The following ITPRID2 variants were observed in gnomAD, a reference collection of about 807,000 sequenced individuals.
ITPRID2 encodes the protein ITPR interacting domain containing 2.
ITPRID2 carries 60 observed loss-of-function variants against 124.3 expected under a neutral mutation model. That is an observed-to-expected ratio of 0.48 (90% CI 0.39 to 0.60). ITPRID2 has a LOEUF of 0.60. ITPRID2 is among the 20% of genes least tolerant of loss of function. The pLI is 0.00. For synonymous variants in ITPRID2, 521 were observed against 542.9 expected (o/e 0.96, Z 0.56); for missense variants, 1,553 against 1,512.2 (o/e 1.03, Z -0.45).
chr2:181,902,613 CAAGAAT>C lies in ITPRID2; in HGVS notation c.1413+148_1413+153del. 4.8e-6 allele frequency: 3 copies of C among 628,786 alleles called. No homozygotes were observed. The highest frequency in any genetic ancestry group is 7.8e-6 in the Non-Finnish European group (3 of 384,242). The allele number at this position is 628,786 out of a possible 1,614,324, so 39.0% of individuals were successfully genotyped here. On this transcript the variant is annotated intron_variant, in intron 8 of 17. Coordinates refer to ENST00000431877, the MANE Select transcript of ITPRID2 (RefSeq NM_001130445.3). This position sits in a 1 kb window ranked among gnomAD's most constrained non-coding sequence, Gnocchi z 4.4. ...CTTTCCAGGTTTATGTTTCACAAAC[CAAGAAT>C]TGGTCTCAGGATAATGTGATGTCGA...
intron 11 of ITPRID2, 145 bp downstream of exon 11, chr2:181,916,572 C>T (rs1694071313): frequency 1.0e-5 from 11 of 1,062,936 alleles, no homozygotes; most frequent in South Asian, 3.5e-5. Context: ...CATCTGCCTT[C>T]GTTTTCTATC....
chr2:181,922,122 G>C lies in ITPRID2; in HGVS notation c.3385G>C (p.Val1129Leu), dbSNP rs770246311. The C allele has an allele frequency of 6.2e-7, 1 of 1,614,238 alleles. No individual in the cohort carries two copies. Among genetic ancestry groups the C allele is most frequent in the South Asian group, 1.1e-5 (1 of 91,088 alleles). Reference sequence around the variant, plus strand: ...CTCTCATGCTAACAGAAGAACTGGAGTACCTTCTACTGCCTCAGTGGGCAA... The same window carrying C: ...CTCTCATGCTAACAGAAGAACTGGACTACCTTCTACTGCCTCAGTGGGCAA... ...GPSHANRRTG[V>L]PSTASVGKSK... Residue 1129 changes from valine to leucine, a missense_variant, in exon 16 of 18, where the codon GTA becomes CTA. By Grantham distance (32) the Val-to-Leu change is conservative. Transcript: ENST00000431877.
rs768130896 is a variant in ITPRID2 at position 181,902,181 on chromosome 2, T to G, written c.1128T>G (p.Ser376Arg). The G allele has an allele frequency of 1.9e-6, 3 of 1,613,688 alleles. No individual in the cohort carries two copies. The highest frequency in any genetic ancestry group is 2.5e-6 in the Non-Finnish European group (3 of 1,179,724). Residue 376 changes from serine (S) to arginine (R), a missense_variant, in exon 8 of 18, where the codon AGT (serine) becomes AGG (arginine). Ser to Arg is a moderately radical substitution (Grantham distance 110). Coordinates refer to ENST00000431877, the MANE Select transcript of ITPRID2 (RefSeq NM_001130445.3). The surrounding 1 kb of genome is among the most constrained non-coding windows in gnomAD (Gnocchi z 4.4). ...SSAAVTENAD[S>R]DRISDEANSN... ...CAGCTGTTACGGAGAATGCTGATAG[T>G]GATAGAATTTCTGATGAAGCAAATA...
In ITPRID2 at chr2:181,926,167, G is replaced by A. The variant is rs543832386; in HGVS notation, c.3676-1994G>A. On this transcript the variant is annotated intron_variant, in intron 16 of 17. Transcript: ENST00000431877. Reference sequence around the variant, plus strand: ...TAATCCCAGCTATGCAGGAGGCTGAGGCAGGAGAATTACTTGAACGTGGGA... The same window carrying A: ...TAATCCCAGCTATGCAGGAGGCTGAAGCAGGAGAATTACTTGAACGTGGGA... Among the ~76,000 whole-genome samples the A allele has an allele frequency of 2.4e-3, 363 of 152,114 alleles. 1 individual carries two copies. The highest frequency in any genetic ancestry group is 3.6e-3 in the Non-Finnish European group (246 of 67,992).
At chr2:181,894,880 G>C (rs1211928105) in intron 2 of ITPRID2, among the ~76,000 whole-genome samples, 1 of 152,072 alleles carries the variant, frequency 6.6e-6, no homozygotes, top group East Asian at 1.9e-4. Flanking sequence ...TTAGTGCATA[G>C]ACCAGTAGAG....
At position 181,897,277 on chromosome 2, in the gene ITPRID2, A is replaced by C. The variant is rs371209016; in HGVS notation, c.364+313A>C. Among the ~76,000 whole-genome samples, 13 of 152,174 alleles carry C rather than the reference A, an allele frequency of 8.5e-5. 1 individual carries two copies. Among genetic ancestry groups the C allele is most frequent in the African/African-American group, 2.9e-4 (12 of 41,572 alleles). Reference sequence around the variant, plus strand: ...TTGTCCTGAAAAAGGAAGGACACTTAAATATTTATACATGGGAAAACAAAA... The same window carrying C: ...TTGTCCTGAAAAAGGAAGGACACTTCAATATTTATACATGGGAAAACAAAA... On this transcript the variant is annotated intron_variant, in intron 4 of 17. Coordinates refer to ENST00000431877, the MANE Select transcript of ITPRID2 (RefSeq NM_001130445.3).
chr2:181,896,973 G>A lies in ITPRID2; in HGVS notation c.364+9G>A. 1 of 1,610,150 alleles carries A rather than the reference G, an allele frequency of 6.2e-7. No individual in the cohort carries two copies. Among genetic ancestry groups the A allele is most frequent in the South Asian group, 1.1e-5 (1 of 90,888 alleles). ...GTCATTGGGAGCTGAAGGTATGTTTGTTTGGAAGAACTGTATTTTTGTGTA... is the reference window on the plus strand; with the variant it reads ...GTCATTGGGAGCTGAAGGTATGTTTATTTGGAAGAACTGTATTTTTGTGTA... On this transcript the variant is annotated intron_variant, in intron 4 of 17. Transcript: ENST00000431877. This position sits in a 1 kb window ranked among gnomAD's most constrained non-coding sequence, Gnocchi z 4.3.
At position 181,919,203 on chromosome 2, in the gene ITPRID2, C is replaced by CT; in HGVS notation, c.2994-91dup. 7.0e-7 allele frequency: 1 copy of CT among 1,419,692 alleles called. No individual in the cohort carries two copies. Among genetic ancestry groups the CT allele is most frequent in the Non-Finnish European group, 9.7e-7 (1 of 1,029,250 alleles). The allele number at this position is 1,419,692 out of a possible 1,614,324, so 87.9% of individuals were successfully genotyped here. On this transcript the variant is annotated intron_variant, in intron 13 of 17. Transcript: ENST00000431877. This position sits in a 1 kb window ranked among gnomAD's most constrained non-coding sequence, Gnocchi z 4.2. ...TTTCTAGAACCTGAGATTTCCATGCCTTCTGTTAGCATATAGTAGTTGTTG... is the reference window on the plus strand; with the variant it reads ...TTTCTAGAACCTGAGATTTCCATGCCTTTCTGTTAGCATATAGTAGTTGTTG...
In ITPRID2 at chr2:181,916,245, A is replaced by G; in HGVS notation, c.2605A>G (p.Ser869Gly). 6.2e-7 allele frequency: 1 copy of G among 1,614,214 alleles called. No individual in the cohort carries two copies. The highest frequency in any genetic ancestry group is 1.6e-4 in the Middle Eastern group (1 of 6,062). Residue 869 changes from serine (S) to glycine (G), a missense_variant, in exon 11 of 18, where the codon AGT becomes GGT. Ser to Gly is a moderately conservative substitution (Grantham distance 56, BLOSUM62 0). Coordinates refer to ENST00000431877, the MANE Select transcript of ITPRID2 (RefSeq NM_001130445.3). ...CEHTRTLSTHSVPNISGATCS... is the reference protein window; with the variant it reads ...CEHTRTLSTHGVPNISGATCS... Reference sequence around the variant, plus strand: ...GCACACAAGAACTCTGAGCACTCACAGTGTTCCCAACATATCAGGGGCTAC... The same window carrying G: ...GCACACAAGAACTCTGAGCACTCACGGTGTTCCCAACATATCAGGGGCTAC...
intron 10 of ITPRID2, among the ~76,000 whole-genome samples, chr2:181,914,618 G>C (rs1016795311): frequency 6.6e-6 from 1 of 152,208 alleles, no homozygotes; most frequent in Non-Finnish European, 1.5e-5. Flanking sequence ...TGGAAGAAAA[G>C]ATAGGAATGT....
chr2:181,904,300 T>TA (rs1290836750), intron 8 of ITPRID2, among the ~76,000 whole-genome samples: 1 of 152,134 alleles, frequency 6.6e-6, no homozygotes, highest in Non-Finnish European at 1.5e-5. Flanking sequence ...AGTACAAGAT[T>TA]ACATGCATTG....
At chr2:181,908,419 G>A (rs116018330) in intron 8 of ITPRID2, among the ~76,000 whole-genome samples, 224 of 152,268 alleles carry the variant, frequency 1.5e-3, no homozygotes, top group Admixed American at 2.4e-3. Context: ...GAAGTAGACC[G>A]AGCCTGAATA....
chr2:181,915,093 A>C, intron 10 of ITPRID2, 123 bp from the exon 11 acceptor site: 1 of 1,148,856 alleles, frequency 8.7e-7, no homozygotes, highest in Non-Finnish European at 1.2e-6. Flanking sequence ...AATTTTGAGC[A>C]ACAGCAGGGC....
At chr2:181,929,034 ATGTC>A (rs1367002822) in intron 17 of ITPRID2, among the ~76,000 whole-genome samples, 2 of 151,958 alleles carry the variant, frequency 1.3e-5, no homozygotes, top group Admixed American at 1.3e-4. Context: ...ACTCTTTTAT[ATGTC>A]TGTCTTAGTA....
Position 181,905,343 on chromosome 2 carries a change from C to T in ITPRID2, c.1413+2877C>T, listed in dbSNP as rs1693028106. 6.6e-6 allele frequency among the ~76,000 whole-genome samples: 1 copy of T among 152,064 alleles called. No homozygotes were observed. The highest frequency in any genetic ancestry group is 2.4e-5 in the African/African-American group (1 of 41,410). On this transcript the variant is annotated intron_variant, in intron 8 of 17. Transcript: ENST00000431877. This position sits in a 1 kb window ranked among gnomAD's most constrained non-coding sequence, Gnocchi z 4.1. ...GGATTACAGGTGTGAGCCACCACAC[C>T]CAGCCTATAACTATTTATAAAAAGT...
rs114096594 is a variant in ITPRID2, at chr2:181,899,763, T to C, written c.503+651T>C. ...GAAGGCTGAAGTGGTACCCAGGAGG[T>C]TGAGGCTGCAGTGAGCTATAATTGT... is the stretch of plus-strand genomic sequence containing the variant. On this transcript the variant is annotated intron_variant, in intron 6 of 17. Coordinates refer to ENST00000431877, the MANE Select transcript of ITPRID2 (RefSeq NM_001130445.3). Among the ~76,000 whole-genome samples, 1,088 of 152,160 alleles carry C rather than the reference T, an allele frequency of 7.2e-3. 10 individuals carry two copies. The highest frequency in any genetic ancestry group is 0.025 in the African/African-American group (1,033 of 41,490).
At position 181,920,468 on chromosome 2, in the gene ITPRID2, A is replaced by G. The variant is rs1694397357; in HGVS notation, c.3145-129A>G. 1.5e-5 allele frequency: 9 copies of G among 586,520 alleles called. No individual in the cohort carries two copies. The East Asian group carries it at 2.9e-4, about 19-fold the overall frequency. 36.3% of individuals were successfully genotyped at this position (586,520 alleles called of 1,614,324 possible). On this transcript the variant is annotated intron_variant, in intron 14 of 17. Coordinates refer to ENST00000431877, the MANE Select transcript of ITPRID2 (RefSeq NM_001130445.3). Reference sequence around the variant, plus strand: ...ACATAAAGGGATGCTTCCAGGCACTAATTAGCCAATTAATTTTATTATAAA... The same window carrying G: ...ACATAAAGGGATGCTTCCAGGCACTGATTAGCCAATTAATTTTATTATAAA...
At chr2:181,917,460 T>A (rs1485467628) in intron 11 of ITPRID2, 1 of 152,244 alleles carries the variant, frequency 6.6e-6, no homozygotes, top group Non-Finnish European at 1.5e-5. Context: ...AATATAGTTC[T>A]GTCTGTGATG....
chr2:181,914,611 A>G (rs1397502975), intron 10 of ITPRID2, among the ~76,000 whole-genome samples: 1 of 152,234 alleles, frequency 6.6e-6, no homozygotes, highest in African/African-American at 2.4e-5. Context: ...GAAGGTATGG[A>G]AGAAAAGATA....
Sources: gnomAD v4.1 joint callset for allele counts (sites outside exome capture counted in the v4.1 genomes callset) on GRCh38, gnomAD v4.1.1 for gene constraint, Gnocchi (gnomAD v3.1) non-coding constraint, MANE v1.5 for transcripts, NCBI Gene and HGNC (gene_info 2026-07-23, HGNC 2026-07-21) for gene names.